Variants in ARMC6 observed in about 807,000 individuals in gnomAD.
The protein encoded by ARMC6 is armadillo repeat containing 6, also known as armadillo repeat-containing protein 6.
In ARMC6, 43 loss-of-function variants were observed where a neutral mutation model predicts 49.2. The observed-to-expected ratio is 0.87, with a 90% CI of 0.69 to 1.13. The LOEUF (loss-of-function observed/expected upper bound fraction) is 1.13, where lower values mean the gene tolerates loss of function less well. ARMC6 is among the 50% of genes most tolerant of loss of function. The pLI is 0.00. For synonymous variants in ARMC6, 262 were observed against 289.6 expected (o/e 0.90, Z 0.97); for missense variants, 627 against 682.0 (o/e 0.92, Z 0.90).
chr19:19,055,650 C>A lies in ARMC6; in HGVS notation c.1156-141C>A. 2 of 1,289,780 alleles carry A rather than the reference C, an allele frequency of 1.6e-6. No homozygotes were observed. The highest frequency in any genetic ancestry group is 1.5e-5 in the South Asian group (1 of 66,750). 79.9% of individuals were successfully genotyped at this position (1,289,780 alleles called of 1,614,324 possible). A position where few individuals can be genotyped will look rare whatever the true frequency, so the allele number is the denominator to read the frequency against. ...AAGAGCTGAGCTGATATTTTTGTCA[C>A]CCTGCCATTATTACACAGGAGTTGC... On this transcript the variant is annotated intron_variant, in intron 7 of 8. Coordinates refer to ENST00000535612, the MANE Select transcript of ARMC6 (RefSeq NM_001199196.2). This position sits in a 1 kb window ranked among gnomAD's most constrained non-coding sequence, Gnocchi z 5.7.
intron 2 of ARMC6, among the ~76,000 whole-genome samples, chr19:19,042,192 C>G (rs1156807622): frequency 6.6e-6 from 1 of 152,136 alleles, no homozygotes; most frequent in Non-Finnish European, 1.5e-5. Context: ...CCCACTGCGC[C>G]CAGCCAGAAT....
chr19:19,039,909 T>C (rs566488688), intron 2 of ARMC6, among the ~76,000 whole-genome samples: 7 of 152,320 alleles, frequency 4.6e-5, no homozygotes, highest in African/African-American at 1.7e-4. Flanking sequence ...CCCCATGGTG[T>C]TGGTTAAGGT....
chr19:19,041,510 G>A (rs890687993), intron 2 of ARMC6, among the ~76,000 whole-genome samples: 3 of 152,028 alleles, frequency 2.0e-5, no homozygotes, highest in East Asian at 1.9e-4. Flanking sequence ...CACCATGCCC[G>A]GTTAATTTTT....
At chr19:19,038,377 G>C (rs1410179690) in intron 2 of ARMC6, among the ~76,000 whole-genome samples, 1 of 152,164 alleles carries the variant, frequency 6.6e-6, no homozygotes, top group Non-Finnish European at 1.5e-5. Flanking sequence ...GGCTAAAAAG[G>C]TTGGGACTGC....
At chr19:19,044,096 A>G in intron 4 of ARMC6, 22 bp downstream of exon 4, 1 of 1,607,966 alleles carries the variant, frequency 6.2e-7, no homozygotes, top group Non-Finnish European at 8.5e-7. Flanking sequence ...CATCCCACAC[A>G]GCAGGTCCTG....
intron 4 of ARMC6, among the ~76,000 whole-genome samples, chr19:19,046,929 TTTTTTTTTTTTTTCTTTTTCTATTTC>T (rs2059455722): frequency 7.1e-6 from 1 of 141,268 alleles, no homozygotes; most frequent in African/African-American, 2.9e-5. Context: ...GCTCACCTGT[TTTTTTTTTTTTTTCTTTTTCTATTTC>T]TTTTTTTTTT....
chr19:19,038,525 G>C (rs1296291940), intron 2 of ARMC6, among the ~76,000 whole-genome samples: 2 of 152,166 alleles, frequency 1.3e-5, no homozygotes, highest in South Asian at 2.1e-4. Flanking sequence ...TCTAAGTGTT[G>C]ATACCTACCC....
intron 8 of ARMC6, 153 bp downstream of exon 8, chr19:19,056,081 A>G (rs115472139): frequency 0.074 from 65,085 of 874,806 alleles, 2,913 homozygotes; most frequent in Middle Eastern, 0.11. Context: ...CCCACAGCCG[A>G]GCCCCATAGG....
chr19:19,043,792 C>T lies in ARMC6; in HGVS notation c.197-200C>T, dbSNP rs539215369. The stretch of plus-strand genomic sequence containing the variant: ...CTACCACTCTGCTCCCTTTGGCCCA[C>T]GGACCAGTGGCAGAAACACCCAATA... On this transcript the variant is annotated intron_variant, in intron 3 of 8. Transcript: ENST00000535612. Among the ~76,000 whole-genome samples, 20 of 152,262 alleles carry T rather than the reference C, an allele frequency of 1.3e-4. No individual in the cohort carries two copies. In the East Asian group the frequency reaches 2.7e-3, roughly 21 times the overall value.
intron 4 of ARMC6, among the ~76,000 whole-genome samples, chr19:19,050,074 T>A (rs1044139481): frequency 6.6e-6 from 1 of 152,212 alleles, no homozygotes; most frequent in African/African-American, 2.4e-5. Context: ...TGTCTTTTGG[T>A]GACTGTCTTA....
At chr19:19,054,563 A>G (rs953703411) in intron 6 of ARMC6, among the ~76,000 whole-genome samples, 2 of 152,170 alleles carry the variant, frequency 1.3e-5, no homozygotes, top group African/African-American at 4.8e-5. Context: ...TGTGTCGGCC[A>G]AGGCTGGGAT....
intron 2 of ARMC6, among the ~76,000 whole-genome samples, chr19:19,038,755 G>A (rs991145716): frequency 5.9e-5 from 9 of 151,852 alleles, no homozygotes; most frequent in African/African-American, 2.2e-4. Flanking sequence ...TAGTAGAGAC[G>A]GGGTTTCGCC....
In ARMC6 at chr19:19,057,522, C is replaced by T; in HGVS notation, c.1400C>T (p.Ala467Val). 1 of 1,614,050 alleles carries T rather than the reference C, an allele frequency of 6.2e-7. No individual in the cohort carries two copies. The highest frequency in any genetic ancestry group is 1.1e-5 in the South Asian group (1 of 91,078). The part of the protein sequence containing the change: ...AEALIMQARS[A>V]HRDCEDVAKA... Reference sequence around the variant, plus strand: ...GCACTCATCATGCAGGCCCGATCTGCCCACCGTGACTGTGAGGACGTGGCC... The same window carrying T: ...GCACTCATCATGCAGGCCCGATCTGTCCACCGTGACTGTGAGGACGTGGCC... The change falls in exon 9 of 9, where the codon GCC becomes GTC. Residue 467 changes from alanine to valine, a missense_variant. Ala to Val is a moderately conservative substitution (Grantham distance 64). Coordinates refer to ENST00000535612, the MANE Select transcript of ARMC6 (RefSeq NM_001199196.2).
At chr19:19,057,275 T>G (rs776154302) in intron 8 of ARMC6, 141 bp from the exon 9 acceptor site, 1 of 685,716 alleles carries the variant, frequency 1.5e-6, no homozygotes, top group Admixed American at 2.8e-5. Context: ...GAGATGGGTC[T>G]AGCTTGATAC....
chr19:19,034,039 AAT>A (rs1338603961), intron 1 of ARMC6, 90 bp from the exon 2 acceptor site: 8 of 594,164 alleles, frequency 1.3e-5, no homozygotes, highest in Non-Finnish European at 2.4e-5. Flanking sequence ...GGAAAAAAAA[AAT>A]GAAAGAATTT....
In ARMC6 at chr19:19,052,017, G is replaced by C. The variant is rs2059501474; in HGVS notation, c.675G>C (p.Leu225=). Residue 225 remains leucine (L), a synonymous_variant, in exon 5 of 9, where the codon CTG becomes CTC. Transcript: ENST00000535612. ...TGAAAGCTGGCGTGCTGCCTCTGCTGACTGGTGCCATCACCCATCATGGCC... is the reference window on the plus strand; with the variant it reads ...TGAAAGCTGGCGTGCTGCCTCTGCTCACTGGTGCCATCACCCATCATGGCC... ...DLVKAGVLPL[L]TGAITHHGHH... 1 of 1,614,080 alleles carries C rather than the reference G, an allele frequency of 6.2e-7. No individual in the cohort carries two copies. Among genetic ancestry groups the C allele is most frequent in the African/African-American group, 1.3e-5 (1 of 75,068 alleles).
At chr19:19,050,227 A>G (rs1157606596) in intron 4 of ARMC6, among the ~76,000 whole-genome samples, 11 of 152,004 alleles carry the variant, frequency 7.2e-5, no homozygotes, top group Non-Finnish European at 2.9e-5. Context: ...CTGGAGTGCA[A>G]TGGCACGAGC....
intron 2 of ARMC6, among the ~76,000 whole-genome samples, chr19:19,042,492 G>A (rs1355779560): frequency 6.6e-6 from 1 of 152,174 alleles, no homozygotes; most frequent in Non-Finnish European, 1.5e-5. Context: ...GGGATTACAG[G>A]CTAAGCCATC....
rs1043173601 is a variant in ARMC6, at chr19:19,055,131, C to T, written c.1024-134C>T. ...CCTGAGCCACAGGCATCTGCCACCC[C>T]TTCTCGTTAGTCACACCCTGCAGTC... On this transcript the variant is annotated intron_variant, in intron 6 of 8. Transcript: ENST00000535612. The surrounding 1 kb of genome is among the most constrained non-coding windows in gnomAD (Gnocchi z 5.7). The T allele has an allele frequency of 6.6e-6, 8 of 1,205,554 alleles. No individual in the cohort carries two copies. The Admixed American group carries it at 1.3e-4, about 20-fold the overall frequency. The allele number at this position is 1,205,554 out of a possible 1,614,324, so 74.7% of individuals were successfully genotyped here. A position where few individuals can be genotyped will look rare whatever the true frequency, so the allele number is the denominator to read the frequency against.
Sources: gnomAD v4.1 joint callset for allele counts (sites outside exome capture counted in the v4.1 genomes callset) on GRCh38, gnomAD v4.1.1 for gene constraint, Gnocchi (gnomAD v3.1) non-coding constraint, MANE v1.5 for transcripts, NCBI Gene and HGNC (gene_info 2026-07-23, HGNC 2026-07-21) for gene names.